The following RABGAP1L variants were observed in gnomAD, a reference collection of about 807,000 sequenced individuals.
RABGAP1L encodes rab GTPase-activating protein 1-like.
Under a neutral mutation model 137.7 loss-of-function variants are expected in RABGAP1L, and 63 were observed. That is an observed-to-expected ratio of 0.46 (90% CI 0.37 to 0.56). RABGAP1L has a LOEUF of 0.56. Among genes scored for constraint, RABGAP1L ranks in the 20% least tolerant of loss-of-function variants. The probability of loss-of-function intolerance (pLI) is 0.00; values close to 1 mark genes in which losing one functional copy is unlikely to be tolerated. For synonymous variants in RABGAP1L, 431 were observed against 433.7 expected (o/e 0.99, Z 0.08); for missense variants, 1,095 against 1,244.0 (o/e 0.88, Z 1.80).
At chr1:174,763,474 C>T (rs1323409419) in intron 18 of RABGAP1L, among the ~76,000 whole-genome samples, 1 of 151,072 alleles carries the variant, frequency 6.6e-6, no homozygotes, top group East Asian at 2.0e-4. Context: ...CACGGTGAAA[C>T]CCCGTCTCTA....
At chr1:174,426,293 A>T (rs920894956) in intron 13 of RABGAP1L, among the ~76,000 whole-genome samples, 10 of 152,224 alleles carry the variant, frequency 6.6e-5, no homozygotes, top group African/African-American at 1.7e-4. Flanking sequence ...TCAACCCATT[A>T]CTATAACTAG....
chr1:174,264,703 T>G (rs1389022926), intron 7 of RABGAP1L, among the ~76,000 whole-genome samples: 1 of 152,098 alleles, frequency 6.6e-6, no homozygotes, highest in Non-Finnish European at 1.5e-5. Context: ...ACTCTACATC[T>G]AATTCTTCAT....
chr1:174,453,114 C>T (rs1048319160), intron 13 of RABGAP1L, among the ~76,000 whole-genome samples: 3 of 152,230 alleles, frequency 2.0e-5, no homozygotes, highest in East Asian at 1.9e-4. Context: ...ATCCAGCAAG[C>T]GGATGTTGTG....
chr1:174,619,180 C>T (rs180996134), intron 13 of RABGAP1L, among the ~76,000 whole-genome samples: 149 of 152,196 alleles, frequency 9.8e-4, no homozygotes, highest in East Asian at 9.7e-3. Context: ...TACCTGAAAG[C>T]GACGGGGAGA....
intron 18 of RABGAP1L, among the ~76,000 whole-genome samples, chr1:174,769,726 G>A (rs1289386003): frequency 6.6e-6 from 1 of 152,128 alleles, no homozygotes; most frequent in African/African-American, 2.4e-5. Context: ...GGTGGTGGGC[G>A]CCTGTAGTCC....
chr1:174,215,788 A>G (rs1221914305), intron 1 of RABGAP1L, among the ~76,000 whole-genome samples: 1 of 152,198 alleles, frequency 6.6e-6, no homozygotes, highest in Non-Finnish European at 1.5e-5. Flanking sequence ...CTAAAAATTG[A>G]GGTTTCACAT....
intron 12 of RABGAP1L, among the ~76,000 whole-genome samples, chr1:174,384,045 A>G (rs1170663719): frequency 1.4e-4 from 22 of 152,238 alleles, no homozygotes; most frequent in Admixed American, 1.3e-3. Flanking sequence ...CGTCAAAAGT[A>G]AATGGATCAA....
chr1:174,564,654 T>C (rs1667449376), intron 13 of RABGAP1L, among the ~76,000 whole-genome samples: 1 of 152,072 alleles, frequency 6.6e-6, no homozygotes, highest in Admixed American at 6.6e-5. Flanking sequence ...CTGGGCAGAG[T>C]AGATAGATGT....
chr1:174,463,814 A>G (rs1250681617), intron 13 of RABGAP1L, among the ~76,000 whole-genome samples: 2 of 151,670 alleles, frequency 1.3e-5, no homozygotes, highest in Non-Finnish European at 3.0e-5. Context: ...AAGTAAAAAA[A>G]ATAATAATAA....
At chr1:174,806,491 C>G (rs1259558690) in intron 18 of RABGAP1L, among the ~76,000 whole-genome samples, 1 of 152,106 alleles carries the variant, frequency 6.6e-6, no homozygotes, top group Admixed American at 6.5e-5. Context: ...GCCTGTAGTC[C>G]AAGCTACTAG....
intron 12 of RABGAP1L, among the ~76,000 whole-genome samples, chr1:174,390,396 A>G (rs1303346483): frequency 1.3e-5 from 2 of 152,216 alleles, no homozygotes; most frequent in African/African-American, 4.8e-5. Flanking sequence ...ACTGTTGACT[A>G]TTAATCTTAA....
intron 13 of RABGAP1L, among the ~76,000 whole-genome samples, chr1:174,620,653 A>G (rs892951091): frequency 1.3e-5 from 2 of 152,210 alleles, no homozygotes; most frequent in Non-Finnish European, 2.9e-5. Flanking sequence ...AGGGAAATTT[A>G]TGGCACTAAA....
intron 19 of RABGAP1L, among the ~76,000 whole-genome samples, chr1:174,833,390 G>GTA (rs1451349165): frequency 1.0e-3 from 52 of 49,958 alleles, no homozygotes; most frequent in South Asian, 5.2e-3. Flanking sequence ...GTGTGTGTGT[G>GTA]TGTGTGTGTG....
intron 19 of RABGAP1L, among the ~76,000 whole-genome samples, chr1:174,850,580 A>G (rs1648135170): frequency 6.6e-6 from 1 of 152,194 alleles, no homozygotes; most frequent in Non-Finnish European, 1.5e-5. Context: ...GGCTTTTGTT[A>G]TTATGTTTAC....
In RABGAP1L at chr1:174,860,258, C is replaced by A. The variant is rs930911801; in HGVS notation, c.2340+48298C>A. Among the ~76,000 whole-genome samples the A allele has an allele frequency of 4.1e-4, 63 of 152,118 alleles. 1 individual carries two copies. The highest frequency in any genetic ancestry group is 5.8e-4 in the East Asian group (3 of 5,186). On this transcript the variant is annotated intron_variant, in intron 19 of 25. Coordinates refer to ENST00000681986, the MANE Select transcript of RABGAP1L (RefSeq NM_001366446.1). ...CTGGCACCATTTACACAACTCGCAA[C>A]ACAATATTAAAAAATGACTAGGGAG...
At chr1:174,780,722 C>T (rs1410645212) in intron 18 of RABGAP1L, among the ~76,000 whole-genome samples, 6 of 120,218 alleles carry the variant, frequency 5.0e-5, no homozygotes, top group Admixed American at 1.8e-4. Flanking sequence ...TCCCCCCCAC[C>T]CCCCCACCCC....
chr1:174,624,390 T>C (rs1219971035), intron 13 of RABGAP1L, among the ~76,000 whole-genome samples: 2 of 152,232 alleles, frequency 1.3e-5, no homozygotes, highest in Non-Finnish European at 2.9e-5. Flanking sequence ...ATATCTTGTC[T>C]TTACAAGTTG....
At chr1:174,668,722 C>T (rs1676962222) in intron 14 of RABGAP1L, among the ~76,000 whole-genome samples, 1 of 152,118 alleles carries the variant, frequency 6.6e-6, no homozygotes, top group Non-Finnish European at 1.5e-5. Context: ...TTTACGTTCC[C>T]ACCAACAACG....
chr1:174,247,995 A>G (rs1053205075), intron 5 of RABGAP1L, among the ~76,000 whole-genome samples: 1 of 152,236 alleles, frequency 6.6e-6, no homozygotes, highest in Non-Finnish European at 1.5e-5. Context: ...AGTAGACTTT[A>G]TATTTCATTT....
Sources: allele counts gnomAD v4.1 joint callset (sites outside exome capture counted in the v4.1 genomes callset), GRCh38; gene constraint gnomAD v4.1.1; transcripts MANE v1.5; gene names NCBI Gene and HGNC (gene_info 2026-07-23, HGNC 2026-07-21).